The following SOX5 variants were observed in gnomAD, a reference collection of about 807,000 sequenced individuals.
SOX5 encodes the protein transcription factor SOX-5.
In SOX5, 9 loss-of-function variants were observed where a neutral mutation model predicts 92.0. That is an observed-to-expected ratio of 0.10 (90% CI 0.06 to 0.17). The LOEUF is 0.17. SOX5 is among the 10% of genes least tolerant of loss of function. SOX5 has a pLI of 1.00. For synonymous variants in SOX5, 344 were observed against 336.3 expected (o/e 1.02, Z -0.25); for missense variants, 642 against 944.5 (o/e 0.68, Z 4.20).
chr12:23,842,746 T>C (rs930175096), intron 3 of SOX5, among the ~76,000 whole-genome samples: 2 of 152,200 alleles, frequency 1.3e-5, no homozygotes, highest in African/African-American at 4.8e-5. Context: ...CGTGAATTCA[T>C]ACTGATGTAA....
rs201479110 is a variant in SOX5, at chr12:23,679,386, C to CGCT, written c.811-13825_811-13823dup. Among the ~76,000 whole-genome samples, 393 of 152,108 alleles carry CGCT rather than the reference C, an allele frequency of 2.6e-3. 1 individual carries two copies. The highest frequency in any genetic ancestry group is 0.014 in the Middle Eastern group (4 of 294). ...AATGCTTTTGGTGGAATACCACTGA[C>CGCT]GCTGCTGCTGCTGCTGATGATGATG... On this transcript the variant is annotated intron_variant, in intron 6 of 14. Coordinates refer to ENST00000451604, the MANE Select transcript of SOX5 (RefSeq NM_006940.6).
At chr12:24,026,300 G>A (rs185353995) in intron 4 of SOX5, among the ~76,000 whole-genome samples, 9 of 152,080 alleles carry the variant, frequency 5.9e-5, no homozygotes, top group Admixed American at 3.3e-4. Flanking sequence ...TAGATATTCC[G>A]AGTATAAAAG....
intron 1 of SOX5, among the ~76,000 whole-genome samples, chr12:24,462,366 C>T (rs918708414): frequency 4.6e-5 from 7 of 152,130 alleles, no homozygotes; most frequent in African/African-American, 1.2e-4. Context: ...TTGAAGAAAA[C>T]GTCATTATGC....
intron 4 of SOX5, among the ~76,000 whole-genome samples, chr12:24,078,556 T>C (rs931301273): frequency 5.3e-5 from 8 of 152,004 alleles, no homozygotes; most frequent in Non-Finnish European, 1.2e-4. Context: ...GAGGATGACA[T>C]AACCAGATTT....
chr12:23,855,008 C>A (rs1028637758), intron 2 of SOX5, among the ~76,000 whole-genome samples: 1 of 151,732 alleles, frequency 6.6e-6, no homozygotes, highest in African/African-American at 2.4e-5. Flanking sequence ...TGCTTCCAGG[C>A]ATATTAGCCT....
At chr12:24,552,905 GC>G (rs943227475) in intron 1 of SOX5, among the ~76,000 whole-genome samples, 1 of 151,934 alleles carries the variant, frequency 6.6e-6, no homozygotes, top group African/African-American at 2.4e-5. Flanking sequence ...GCTGGCGCAT[GC>G]CTGTGGTCCC....
At chr12:23,969,515 A>G (rs1947979931) in intron 4 of SOX5, among the ~76,000 whole-genome samples, 1 of 152,208 alleles carries the variant, frequency 6.6e-6, no homozygotes, top group African/African-American at 2.4e-5. Flanking sequence ...TATCTCTGTT[A>G]TCTAGATATA....
intron 4 of SOX5, among the ~76,000 whole-genome samples, chr12:24,151,366 C>T (rs1204141281): frequency 6.6e-6 from 1 of 152,072 alleles, no homozygotes; most frequent in East Asian, 1.9e-4. Context: ...AAATTCTACA[C>T]AGTCATTGGA....
intron 3 of SOX5, among the ~76,000 whole-genome samples, chr12:24,245,142 G>A (rs1215034465): frequency 6.6e-6 from 1 of 151,622 alleles, no homozygotes; most frequent in Non-Finnish European, 1.5e-5. Flanking sequence ...ATTTTATATG[G>A]CTTTATGTAA....
intron 3 of SOX5, among the ~76,000 whole-genome samples, chr12:24,228,902 A>T (rs1188778342): frequency 1.3e-5 from 2 of 152,192 alleles, no homozygotes; most frequent in African/African-American, 4.8e-5. Flanking sequence ...GCATTCTGAC[A>T]ATTAGTGGTT....
chr12:23,913,908 T>C (rs1431668273), intron 1 of SOX5, among the ~76,000 whole-genome samples: 2 of 152,178 alleles, frequency 1.3e-5, no homozygotes, highest in African/African-American at 4.8e-5. Flanking sequence ...GAAAAGATAA[T>C]ATGGGTTATT....
intron 1 of SOX5, among the ~76,000 whole-genome samples, chr12:24,385,544 C>T (rs61912578): frequency 2.2e-3 from 328 of 152,180 alleles, no homozygotes; most frequent in Non-Finnish European, 3.8e-3. Flanking sequence ...TTAGCAACAT[C>T]CCTGCACATG....
At chr12:23,940,942 CA>C (rs1340431970) in intron 1 of SOX5, among the ~76,000 whole-genome samples, 1 of 151,292 alleles carries the variant, frequency 6.6e-6, no homozygotes, top group Admixed American at 6.6e-5. Flanking sequence ...ACCACAATAC[CA>C]CCTTCAATTT....
chr12:24,549,508 A>G (rs997079722), intron 1 of SOX5, among the ~76,000 whole-genome samples: 27 of 152,244 alleles, frequency 1.8e-4, no homozygotes, highest in African/African-American at 6.5e-4. Flanking sequence ...AGCAGATAGA[A>G]AGAGCAATCC....
intron 4 of SOX5, among the ~76,000 whole-genome samples, chr12:23,752,579 T>C (rs2094214031): frequency 6.6e-6 from 1 of 151,816 alleles, no homozygotes; most frequent in African/African-American, 2.4e-5. Context: ...TGGAATTTCA[T>C]GCTAGCTGAA....
At chr12:23,664,132 C>G (rs891908888) in intron 7 of SOX5, among the ~76,000 whole-genome samples, 2 of 151,968 alleles carry the variant, frequency 1.3e-5, no homozygotes, top group Non-Finnish European at 2.9e-5. Flanking sequence ...AAATTACAAC[C>G]CATTTCTTCA....
intron 3 of SOX5, among the ~76,000 whole-genome samples, chr12:23,776,883 A>T (rs2095120616): frequency 6.6e-6 from 1 of 152,234 alleles, no homozygotes; most frequent in Non-Finnish European, 1.5e-5. Context: ...AGTACTGGTC[A>T]GCGGTCCAGG....
At chr12:24,350,822 G>A (rs1953982165) in intron 2 of SOX5, among the ~76,000 whole-genome samples, 1 of 152,136 alleles carries the variant, frequency 6.6e-6, no homozygotes. Flanking sequence ...GGAGGCCAAG[G>A]CAGGTGGATC....
At chr12:24,383,938 G>A (rs972692985) in intron 1 of SOX5, among the ~76,000 whole-genome samples, 2 of 152,076 alleles carry the variant, frequency 1.3e-5, no homozygotes, top group African/African-American at 2.4e-5. Flanking sequence ...TGAATCAGAG[G>A]GGCAGTTATC....
Sources: allele counts gnomAD v4.1 joint callset (sites outside exome capture counted in the v4.1 genomes callset), GRCh38; gene constraint gnomAD v4.1.1; transcripts MANE v1.5; gene names NCBI Gene and HGNC (gene_info 2026-07-23, HGNC 2026-07-21).